AKR1C1: variants seen among roughly 807,000 people sequenced by gnomAD.
The protein encoded by AKR1C1 is aldo-keto reductase family 1 member C1.
AKR1C1 carries 32 observed loss-of-function variants against 40.6 expected under a neutral mutation model. That is an observed-to-expected ratio of 0.79 (90% CI 0.60 to 1.06). The LOEUF (loss-of-function observed/expected upper bound fraction) is 1.06. Among genes scored for constraint, AKR1C1 ranks in the 50% least tolerant of loss-of-function variants. AKR1C1 has a pLI of 0.00. For missense variants in AKR1C1, 320 were observed against 363.5 expected, an observed-to-expected ratio of 0.88 and a Z score of 0.97; for synonymous variants, 105 against 134.2, an observed-to-expected ratio of 0.78 and a Z score of 1.50.
At chr10:4,966,880 T>A (rs376036698) in intron 2 of AKR1C1, 47 bp from the exon 3 acceptor site, 1 of 1,551,408 alleles carries the variant, frequency 6.4e-7, no homozygotes, top group African/African-American at 1.4e-5. Context: ...ACTAGTAAAA[T>A]TGGCTCAAGT....
At position 4,972,541 on chromosome 10, in the gene AKR1C1, A is replaced by G. The variant is rs368287467; in HGVS notation, c.681-43A>G. Reference sequence around the variant, plus strand: ...TTTAGGGAGCCGCCTAACAAACTGTATCCCCAGCCTCAGGGCCTCAGCCTT... The same window carrying G: ...TTTAGGGAGCCGCCTAACAAACTGTGTCCCCAGCCTCAGGGCCTCAGCCTT... On this transcript the variant is annotated intron_variant, in intron 6 of 8. Coordinates refer to ENST00000380872, the MANE Select transcript of AKR1C1 (RefSeq NM_001353.6). 441 of 1,610,398 alleles carry G rather than the reference A, an allele frequency of 2.7e-4. 9 individuals carry two copies. The African/African-American group carries it at 5.2e-3, about 19-fold the overall frequency.
chr10:4,976,794 A>G (rs542338377), intron 8 of AKR1C1, among the ~76,000 whole-genome samples: 7 of 152,352 alleles, frequency 4.6e-5, no homozygotes, highest in Non-Finnish European at 7.4e-5. Flanking sequence ...ATGTGTGAAA[A>G]AAACAAGCAC....
In AKR1C1 at chr10:4,968,827, G is replaced by C; in HGVS notation, c.453G>C (p.Val151=). 6.2e-7 allele frequency: 1 copy of C among 1,614,116 alleles called. No individual in the cohort carries two copies. The highest frequency in any genetic ancestry group is 8.5e-7 in the Non-Finnish European group (1 of 1,180,022). The change falls in exon 5 of 9, where the codon GTG becomes GTC. Residue 151 remains valine (V), a synonymous_variant. Coordinates refer to ENST00000380872, the MANE Select transcript of AKR1C1 (RefSeq NM_001353.6). ...TVDLCATWEA[V]EKCKDAGLAK... is the part of the protein sequence containing the mutation. The stretch of plus-strand genomic sequence containing the variant: ...TCACAATTCCTTTTTCCCAGGCCGT[G>C]GAGAAGTGTAAAGATGCAGGATTGG...
At position 4,980,268 on chromosome 10, in the gene AKR1C1, A is replaced by AG. The variant is rs1314194173; in HGVS notation, c.*2526_*2527insG. On this transcript the variant is annotated 3_prime_UTR_variant, in exon 9 of 9. Transcript: ENST00000380872. Reference sequence around the variant, plus strand: ...AAGGGAATCCAAATGTCATTAAAAAAAAATCACGCCACCTCACAAAATGGT... The same window carrying AG: ...AAGGGAATCCAAATGTCATTAAAAAAGAAATCACGCCACCTCACAAAATGGT... 1,320 of 145,126 alleles carry AG rather than the reference A, an allele frequency of 9.1e-3. No individual in the cohort carries two copies. Among genetic ancestry groups the AG allele is most frequent in the African/African-American group, 0.032 (1,272 of 39,694 alleles). 9.0% of individuals were successfully genotyped at this position (145,126 alleles called of 1,614,324 possible). A position where few individuals can be genotyped will look rare whatever the true frequency, so the allele number is the denominator to read the frequency against.
At chr10:4,967,822 G>A (rs1182957509) in intron 3 of AKR1C1, 2 of 191,660 alleles carry the variant, frequency 1.0e-5, no homozygotes, top group Admixed American at 1.1e-4. Context: ...ATTACCGTGA[G>A]CTCCTGTGCA....
chr10:4,977,683 T>A lies in AKR1C1; in HGVS notation c.930-17T>A. On this transcript the variant is annotated splice_polypyrimidine_tract_variant and intron_variant, in intron 8 of 8. Coordinates refer to ENST00000380872, the MANE Select transcript of AKR1C1 (RefSeq NM_001353.6). ...GTCATTGCCATTCAGAGTGTGCATTTTTTTTTCTCTTTCCAGTTTTGCTGG... is the reference window on the plus strand; with the variant it reads ...GTCATTGCCATTCAGAGTGTGCATTATTTTTTCTCTTTCCAGTTTTGCTGG... The A allele has an allele frequency of 6.2e-7, 1 of 1,612,226 alleles. No individual in the cohort carries two copies. The highest frequency in any genetic ancestry group is 8.5e-7 in the Non-Finnish European group (1 of 1,179,428).
rs1196904908 is a variant in AKR1C1 at position 4,974,917 on chromosome 10, C to T, written c.847-934C>T. The stretch of plus-strand genomic sequence containing the variant: ...TTAAAACTTTGAATCATCTTATTAA[C>T]TTCCACAAGCAAATAAATGTTTAGT... On this transcript the variant is annotated intron_variant, in intron 7 of 8. Transcript: ENST00000380872. Among the ~76,000 whole-genome samples, 3 of 152,166 alleles carry T rather than the reference C, an allele frequency of 2.0e-5. No individual in the cohort carries two copies. The East Asian group carries it at 5.8e-4, about 29-fold the overall frequency.
Position 4,979,641 on chromosome 10 carries a change from C to T in AKR1C1, c.*1899C>T, listed in dbSNP as rs1366829705. 2 of 152,124 alleles carry T rather than the reference C, an allele frequency of 1.3e-5. No individual in the cohort carries two copies. Among genetic ancestry groups the T allele is most frequent in the African/African-American group, 4.8e-5 (2 of 41,410 alleles). 9.4% of individuals were successfully genotyped at this position (152,124 alleles called of 1,614,324 possible). ...CTCTTTTTTCAAGATGTGAAATAAT[C>T]ATTAGGTCAGTCATTTGTAAATAGT... On this transcript the variant is annotated 3_prime_UTR_variant, in exon 9 of 9. Transcript: ENST00000380872.
At chr10:4,964,123 C>CA (rs1236465712) in intron 1 of AKR1C1, among the ~76,000 whole-genome samples, 1 of 151,922 alleles carries the variant, frequency 6.6e-6, no homozygotes, top group Non-Finnish European at 1.5e-5. Flanking sequence ...TAATATGGGT[C>CA]AAATTTGTAT....
chr10:4,981,504 C>T lies in AKR1C1; in HGVS notation c.*3762C>T, dbSNP rs1836614481. ...TGGGAGGCAGTGTGAGCATGCCTCT[C>T]CCACTTGGAGATTAGTGTGTAGAGA... On this transcript the variant is annotated 3_prime_UTR_variant, in exon 9 of 9. Transcript: ENST00000380872. 6.6e-6 allele frequency: 1 copy of T among 152,104 alleles called. No individual in the cohort carries two copies. Among genetic ancestry groups the T allele is most frequent in the African/African-American group, 2.4e-5 (1 of 41,408 alleles). The allele number at this position is 152,104 out of a possible 1,614,324, so 9.4% of individuals were successfully genotyped here. A position where few individuals can be genotyped will look rare whatever the true frequency, so the allele number is the denominator to read the frequency against.
chr10:4,974,493 C>T (rs1418198261), intron 7 of AKR1C1, among the ~76,000 whole-genome samples: 2 of 151,800 alleles, frequency 1.3e-5, no homozygotes, highest in Non-Finnish European at 2.9e-5. Context: ...GTGTCTTATC[C>T]TATATTGGGA....
At chr10:4,974,214 A>G (rs1260061541) in intron 7 of AKR1C1, among the ~76,000 whole-genome samples, 2 of 151,832 alleles carry the variant, frequency 1.3e-5, no homozygotes, top group Non-Finnish European at 2.9e-5. Flanking sequence ...ATTTATACAT[A>G]TGTGTATGTT....
intron 1 of AKR1C1, among the ~76,000 whole-genome samples, chr10:4,964,265 G>A (rs1293933795): frequency 6.6e-6 from 1 of 152,214 alleles, no homozygotes; most frequent in African/African-American, 2.4e-5. Context: ...GGAATACAAT[G>A]TGTGTGAATA....
In AKR1C1 at chr10:4,966,999, G is replaced by C. The variant is rs1340696370; in HGVS notation, c.325G>C (p.Asp109His). The C allele has an allele frequency of 6.2e-7, 1 of 1,613,886 alleles. No homozygotes were observed. The highest frequency in any genetic ancestry group is 8.5e-7 in the Non-Finnish European group (1 of 1,179,806). Residue 109 changes from aspartate to histidine, a missense_variant, in exon 3 of 9, where the codon GAT becomes CAT. Around this residue, in one of 3 missense-constraint regions of AKR1C1, gnomAD observed 214 missense variants for 214.8 expected, o/e 1.00. Coordinates refer to ENST00000380872, the MANE Select transcript of AKR1C1 (RefSeq NM_001353.6). ...LERSLKNLQL[D>H]YVDLYLIHFP... ...AAGGTCACTGAAAAATCTTCAATTG[G>C]ATTATGTTGACCTCTACCTTATTCA...
chr10:4,964,003 T>G, intron 1 of AKR1C1: 1 of 727,766 alleles, frequency 1.4e-6, no homozygotes, highest in East Asian at 2.5e-5. Context: ...GAATTTCTCA[T>G]GTACTATTCT....
At chr10:4,968,221 G>C (rs1021395602) in intron 3 of AKR1C1, 88 bp from the exon 4 acceptor site, 1 of 1,391,290 alleles carries the variant, frequency 7.2e-7, no homozygotes, top group Non-Finnish European at 1.0e-6. Flanking sequence ...CCTCATGGAG[G>C]ATTAGTGTCC....
intron 5 of AKR1C1, among the ~76,000 whole-genome samples, chr10:4,970,606 T>C (rs1316210362): frequency 6.6e-6 from 1 of 152,176 alleles, no homozygotes; most frequent in Admixed American, 6.5e-5. Flanking sequence ...GTGGCACATA[T>C]ACACCATGGA....
At position 4,978,295 on chromosome 10, in the gene AKR1C1, A is replaced by AG. The variant is rs1272639643; in HGVS notation, c.*560dup. ...AGCCTTGGGAGGAGGCATCCCTGTG[A>AG]GGGGGGGTTAGGGAGATGGGAGGGC... On this transcript the variant is annotated 3_prime_UTR_variant, in exon 9 of 9. Transcript: ENST00000380872. 1.6e-4 allele frequency: 24 copies of AG among 149,300 alleles called. No homozygotes were observed. The highest frequency in any genetic ancestry group is 1.6e-3 in the East Asian group (8 of 5,148). 9.2% of individuals were successfully genotyped at this position (149,300 alleles called of 1,614,324 possible).
At chr10:4,973,442 C>T (rs1435280604) in intron 7 of AKR1C1, among the ~76,000 whole-genome samples, 1 of 152,222 alleles carries the variant, frequency 6.6e-6, no homozygotes, top group Non-Finnish European at 1.5e-5. Flanking sequence ...GAGCGCCCCC[C>T]TCTCCCATGC....
Sources: gnomAD v4.1 joint callset for allele counts (sites outside exome capture counted in the v4.1 genomes callset) on GRCh38, gnomAD v4.1.1 for gene constraint, gnomAD v4.1.1 regional missense constraint, MANE v1.5 for transcripts, NCBI Gene and HGNC (gene_info 2026-07-23, HGNC 2026-07-21) for gene names.